The following ITPR2 variants were observed in gnomAD, a reference collection of about 807,000 sequenced individuals.
ITPR2 encodes inositol 1,4,5-trisphosphate-gated calcium channel ITPR2.
In ITPR2, 207 loss-of-function variants were observed where a neutral mutation model predicts 317.1. The observed-to-expected ratio is 0.65, with a 90% CI of 0.58 to 0.73. ITPR2 has a LOEUF of 0.73. Ranked by LOEUF, ITPR2 falls within the 30% of genes least tolerant of loss-of-function variation. The pLI, the probability that ITPR2 is intolerant of heterozygous loss-of-function variation, is 0.00. For synonymous variants in ITPR2, 1,156 were observed against 1,149.1 expected, an observed-to-expected ratio of 1.01 and a Z score of -0.12; for missense variants, 2,613 against 3,284.0, an observed-to-expected ratio of 0.80 and a Z score of 4.99.
intron 37 of ITPR2, among the ~76,000 whole-genome samples, chr12:26,500,101 C>G (rs564805133): frequency 6.6e-6 from 1 of 152,328 alleles, no homozygotes; most frequent in Non-Finnish European, 1.5e-5. Context: ...CTTCTCTTGT[C>G]AACTATCCAG....
Position 26,494,139 on chromosome 12 carries a change from T to C in ITPR2, c.5370+14A>G, listed in dbSNP as rs1199376092. ...CAATAATAAATGTAATCCCCATGAT[T>C]GATGAACAAGTACCTGTGTTTGTGT... On this transcript the variant is annotated intron_variant, in intron 39 of 56. Coordinates refer to ENST00000381340, the MANE Select transcript of ITPR2 (RefSeq NM_002223.4). 2 of 1,591,926 alleles carry C rather than the reference T, an allele frequency of 1.3e-6. No individual in the cohort carries two copies. The highest frequency in any genetic ancestry group is 3.4e-5 in the Admixed American group (2 of 58,570).
chr12:26,746,469 C>T (rs2137094062), intron 2 of ITPR2, among the ~76,000 whole-genome samples: 1 of 152,318 alleles, frequency 6.6e-6, no homozygotes, highest in African/African-American at 2.4e-5. Flanking sequence ...TGTAAACTTT[C>T]TTTAGCTGCA....
intron 37 of ITPR2, among the ~76,000 whole-genome samples, chr12:26,505,488 T>C (rs1264792999): frequency 6.6e-6 from 1 of 152,204 alleles, no homozygotes; most frequent in Non-Finnish European, 1.5e-5. Context: ...ACTTAATTCC[T>C]ACTTAACCTT....
At chr12:26,513,114 T>G (rs1239375766) in intron 37 of ITPR2, among the ~76,000 whole-genome samples, 1 of 152,088 alleles carries the variant, frequency 6.6e-6, no homozygotes, top group Non-Finnish European at 1.5e-5. Context: ...GTGCTGGGAT[T>G]ACCGGTGTGA....
intron 55 of ITPR2, among the ~76,000 whole-genome samples, chr12:26,364,439 A>T (rs1442075716): frequency 6.6e-6 from 1 of 152,178 alleles, no homozygotes; most frequent in Non-Finnish European, 1.5e-5. Flanking sequence ...ATTCACAATA[A>T]CCCTAAGGTA....
rs1412379436 is a variant in ITPR2 at position 26,832,740 on chromosome 12, G to A, written c.42C>T (p.Ile14=). ...KMSSFLYIGD[I]VSLYAEGSVN... is the part of the protein sequence containing the mutation. ...CCGAGCCCTCCGCGTACAGGGACACGATGTCCCCTATGTAGAGGAAGCTGG... is the reference window on the plus strand; with the variant it reads ...CCGAGCCCTCCGCGTACAGGGACACAATGTCCCCTATGTAGAGGAAGCTGG... The change falls in exon 1 of 57, where the codon ATC becomes ATT. Residue 14 remains isoleucine (I), a synonymous_variant. Coordinates refer to ENST00000381340, the MANE Select transcript of ITPR2 (RefSeq NM_002223.4). The A allele has an allele frequency of 6.2e-7, 1 of 1,602,502 alleles. No homozygotes were observed. The highest frequency in any genetic ancestry group is 1.7e-5 in the Admixed American group (1 of 58,890).
chr12:26,607,584 C>T (rs1272997781), intron 26 of ITPR2, among the ~76,000 whole-genome samples: 1 of 152,048 alleles, frequency 6.6e-6, no homozygotes, highest in African/African-American at 2.4e-5. Context: ...GTTTCTGCTT[C>T]CCTGGGAAGC....
chr12:26,733,258 G>A (rs1279044953), intron 2 of ITPR2, among the ~76,000 whole-genome samples: 1 of 146,818 alleles, frequency 6.8e-6, no homozygotes, highest in Admixed American at 6.9e-5. Flanking sequence ...AGGTTGCAGT[G>A]AGCCAAGATC....
intron 2 of ITPR2, among the ~76,000 whole-genome samples, chr12:26,735,506 GAGA>G (rs1002322978): frequency 1.2e-4 from 19 of 152,134 alleles, no homozygotes; most frequent in African/African-American, 4.3e-4. Context: ...AGGGGGAAGG[GAGA>G]AGAAGAGGAG....
At chr12:26,723,182 C>G (rs1565718556) in intron 4 of ITPR2, among the ~76,000 whole-genome samples, 2 of 152,018 alleles carry the variant, frequency 1.3e-5, no homozygotes, top group Non-Finnish European at 2.9e-5. Context: ...AAAACCAAAA[C>G]AAAATAACCT....
At chr12:26,791,245 CAT>C (rs1424574637) in intron 1 of ITPR2, among the ~76,000 whole-genome samples, 1 of 152,134 alleles carries the variant, frequency 6.6e-6, no homozygotes, top group Non-Finnish European at 1.5e-5. Context: ...CACTAACATT[CAT>C]TTCTCCATTG....
chr12:26,510,803 C>T (rs529408002), intron 37 of ITPR2, among the ~76,000 whole-genome samples: 10 of 152,284 alleles, frequency 6.6e-5, no homozygotes, highest in African/African-American at 2.4e-4. Context: ...TAACACCTAG[C>T]TTAGCAGCAA....
chr12:26,645,874 T>C (rs1346580103), intron 21 of ITPR2, among the ~76,000 whole-genome samples: 3 of 152,132 alleles, frequency 2.0e-5, no homozygotes, highest in Non-Finnish European at 4.4e-5. Flanking sequence ...TAAACCCTTT[T>C]CTATTCTTTC....
chr12:26,375,633 C>A (rs907870804), intron 55 of ITPR2, among the ~76,000 whole-genome samples: 29 of 152,184 alleles, frequency 1.9e-4, no homozygotes, highest in Non-Finnish European at 3.4e-4. Context: ...TAGGTCTGTG[C>A]TATTCCAAGT....
At chr12:26,414,083 AC>A (rs1940644903) in intron 51 of ITPR2, among the ~76,000 whole-genome samples, 5 of 151,798 alleles carry the variant, frequency 3.3e-5, no homozygotes, top group Admixed American at 6.6e-5. Flanking sequence ...ACACACACAC[AC>A]ACAAACACAA....
At chr12:26,650,707 ATAATT>A (rs759301617) in intron 21 of ITPR2, among the ~76,000 whole-genome samples, 1 of 152,220 alleles carries the variant, frequency 6.6e-6, no homozygotes. Context: ...CTTTCTAAGA[ATAATT>A]TAGTTTAGAT....
intron 2 of ITPR2, among the ~76,000 whole-genome samples, chr12:26,744,223 C>T (rs1364690858): frequency 1.3e-5 from 2 of 152,262 alleles, no homozygotes; most frequent in Admixed American, 6.5e-5. Flanking sequence ...ATATGAGCTG[C>T]TCTCTGGTTC....
At chr12:26,720,718 T>C (rs1269995826) in intron 5 of ITPR2, among the ~76,000 whole-genome samples, 1 of 152,206 alleles carries the variant, frequency 6.6e-6, no homozygotes, top group Non-Finnish European at 1.5e-5. Flanking sequence ...AATTACATTG[T>C]CCATTTTCAC....
At chr12:26,555,207 A>C (rs1050049733) in intron 36 of ITPR2, among the ~76,000 whole-genome samples, 1 of 152,160 alleles carries the variant, frequency 6.6e-6, no homozygotes, top group African/African-American at 2.4e-5. Flanking sequence ...TTCCAGCTTA[A>C]ATGGTGAAAG....
Sources: allele counts gnomAD v4.1 joint callset (sites outside exome capture counted in the v4.1 genomes callset), GRCh38; gene constraint gnomAD v4.1.1; transcripts MANE v1.5; gene names NCBI Gene and HGNC (gene_info 2026-07-23, HGNC 2026-07-21).